LRP1B: variants seen among roughly 807,000 people sequenced by gnomAD.
The protein encoded by LRP1B is low-density lipoprotein receptor-related protein 1B.
A neutral mutation model predicts 556.6 loss-of-function variants in LRP1B; 217 were observed. The observed-to-expected ratio is 0.39, with a 90% CI of 0.35 to 0.44. The LOEUF is 0.44. Among genes scored for constraint, LRP1B ranks in the 20% least tolerant of loss-of-function variants. The pLI, the probability that LRP1B is intolerant of heterozygous loss-of-function variation, is 1.00. For missense variants in LRP1B, 5,053 were observed against 5,620.8 expected (o/e 0.90, Z 3.23); for synonymous variants, 2,047 against 1,865.8 (o/e 1.10, Z -2.50).
At chr2:141,328,853 G>T (rs1383870989) in intron 3 of LRP1B, among the ~76,000 whole-genome samples, 1 of 152,140 alleles carries the variant, frequency 6.6e-6, no homozygotes, top group African/African-American at 2.4e-5. Context: ...GAGGGGGTGG[G>T]AGGTGGTTGT....
At chr2:141,924,811 A>G (rs1700290324) in intron 1 of LRP1B, among the ~76,000 whole-genome samples, 9 of 152,184 alleles carry the variant, frequency 5.9e-5, no homozygotes. Context: ...TTTAAACAGT[A>G]GGGGGAAGAA....
intron 31 of LRP1B, among the ~76,000 whole-genome samples, chr2:140,834,655 C>T (rs1251806544): frequency 6.6e-6 from 1 of 152,138 alleles, no homozygotes; most frequent in African/African-American, 2.4e-5. Flanking sequence ...GTCTAAACAG[C>T]GGGTCGTTTT....
At chr2:140,769,621 A>T (rs10928069) in intron 34 of LRP1B, among the ~76,000 whole-genome samples, 133,143 of 151,814 alleles carry the variant, frequency 0.88, 58,715 homozygotes, top group East Asian at 1. Flanking sequence ...TCATTTAAAT[A>T]TCTAAAAATC....
chr2:141,451,507 T>G (rs1681419877), intron 3 of LRP1B, among the ~76,000 whole-genome samples: 1 of 152,230 alleles, frequency 6.6e-6, no homozygotes, highest in African/African-American at 2.4e-5. Context: ...TACTCCTCAG[T>G]ACTGTAGGCA....
intron 27 of LRP1B, among the ~76,000 whole-genome samples, chr2:140,852,768 C>G (rs1320663009): frequency 6.6e-6 from 1 of 152,038 alleles, no homozygotes; most frequent in Non-Finnish European, 1.5e-5. Context: ...AATTTTGCAG[C>G]TCAATGTCAT....
At chr2:141,111,293 A>G (rs570049206) in intron 7 of LRP1B, among the ~76,000 whole-genome samples, 1 of 152,238 alleles carries the variant, frequency 6.6e-6, no homozygotes, top group African/African-American at 2.4e-5. Flanking sequence ...CTAAAATCCC[A>G]ATAGAAAAAC....
intron 83 of LRP1B, among the ~76,000 whole-genome samples, chr2:140,300,078 A>G (rs1486542427): frequency 6.6e-6 from 1 of 152,152 alleles, no homozygotes; most frequent in East Asian, 1.9e-4. Flanking sequence ...CTGAGCTTTC[A>G]TGGTTTTGTC....
At chr2:140,442,744 A>G (rs1686487091) in intron 65 of LRP1B, 121 bp from the exon 66 acceptor site, 1 of 850,728 alleles carries the variant, frequency 1.2e-6, no homozygotes, top group Non-Finnish European at 1.8e-6. Flanking sequence ...TTAAATTAAT[A>G]GGACTCTGAA....
intron 20 of LRP1B, among the ~76,000 whole-genome samples, chr2:140,934,304 T>C (rs571187080): frequency 6.6e-6 from 1 of 152,280 alleles, no homozygotes; most frequent in South Asian, 2.1e-4. Context: ...TAAAATTTAG[T>C]TACTGAAAAA....
chr2:142,121,546 T>C (rs1409081330), intron 1 of LRP1B, among the ~76,000 whole-genome samples: 2 of 152,174 alleles, frequency 1.3e-5, no homozygotes, highest in Non-Finnish European at 2.9e-5. Context: ...TCCCTCTAGA[T>C]GACTCAGAGC....
At chr2:141,207,199 T>C (rs536655767) in intron 6 of LRP1B, among the ~76,000 whole-genome samples, 7 of 152,308 alleles carry the variant, frequency 4.6e-5, no homozygotes, top group African/African-American at 1.7e-4. Context: ...AACCACTTCC[T>C]GATTTAAGTG....
At chr2:141,029,187 A>C (rs530225569) in intron 11 of LRP1B, among the ~76,000 whole-genome samples, 12 of 152,280 alleles carry the variant, frequency 7.9e-5, no homozygotes, top group Admixed American at 4.6e-4. Flanking sequence ...ATTATAGGTT[A>C]AATAGCAGAA....
At chr2:141,181,371 G>A (rs149851008) in intron 7 of LRP1B, among the ~76,000 whole-genome samples, 2 of 151,996 alleles carry the variant, frequency 1.3e-5, no homozygotes, top group Non-Finnish European at 2.9e-5. Context: ...ACTATATGTA[G>A]TTGTTTTTCT....
chr2:140,682,727 T>A (rs1685905779), intron 41 of LRP1B, among the ~76,000 whole-genome samples: 1 of 149,310 alleles, frequency 6.7e-6, no homozygotes. Flanking sequence ...AAGAAAGAGC[T>A]AAACTGAACC....
At chr2:140,881,353 C>T (rs1693468787) in intron 25 of LRP1B, among the ~76,000 whole-genome samples, 1 of 151,764 alleles carries the variant, frequency 6.6e-6, no homozygotes, top group South Asian at 2.1e-4. Flanking sequence ...AACCTCAGAA[C>T]TGTTTATCAA....
intron 1 of LRP1B, among the ~76,000 whole-genome samples, chr2:142,070,375 G>A (rs2104909900): frequency 6.6e-6 from 1 of 151,946 alleles, no homozygotes; most frequent in East Asian, 1.9e-4. Flanking sequence ...GGCTTAGTGA[G>A]GAGGTTAAAT....
chr2:140,409,143 T>G (rs1408146628), intron 66 of LRP1B, among the ~76,000 whole-genome samples: 2 of 152,094 alleles, frequency 1.3e-5, no homozygotes, highest in East Asian at 3.9e-4. Context: ...ATCCAAATCT[T>G]GGAACTGCCA....
chr2:141,444,577 T>A (rs1479899580), intron 3 of LRP1B, among the ~76,000 whole-genome samples: 1 of 152,116 alleles, frequency 6.6e-6, no homozygotes, highest in African/African-American at 2.4e-5. Flanking sequence ...CATAAATAGT[T>A]CTTATTATTT....
chr2:141,072,134 C>A (rs1025922511), intron 7 of LRP1B, among the ~76,000 whole-genome samples: 11 of 152,104 alleles, frequency 7.2e-5, no homozygotes, highest in African/African-American at 9.7e-5. Context: ...GATCTGCATT[C>A]TGAAACCTTC....
Sources: allele counts gnomAD v4.1 joint callset (sites outside exome capture counted in the v4.1 genomes callset), GRCh38; gene constraint gnomAD v4.1.1; transcripts MANE v1.5; gene names NCBI Gene and HGNC (gene_info 2026-07-23, HGNC 2026-07-21).